SND1: variants seen among roughly 807,000 people sequenced by gnomAD.
SND1 encodes the protein staphylococcal nuclease domain-containing protein 1.
SND1 carries 38 observed loss-of-function variants against 121.7 expected under a neutral mutation model. The observed-to-expected ratio is 0.31, with a 90% confidence interval of 0.24 to 0.41. SND1 has a LOEUF of 0.41. SND1 is among the 10% of genes least tolerant of loss of function. The pLI, the probability that SND1 is intolerant of heterozygous loss-of-function variation, is 1.00. For synonymous variants in SND1, 401 were observed against 447.4 expected (o/e 0.90, Z 1.31); for missense variants, 868 against 1,184.6 (o/e 0.73, Z 3.92).
chr7:127,879,183 T>A (rs962412829), intron 12 of SND1, among the ~76,000 whole-genome samples: 1 of 152,178 alleles, frequency 6.6e-6, no homozygotes, highest in African/African-American at 2.4e-5. Context: ...TAGATCTCTC[T>A]CAACTATAAT....
intron 12 of SND1, among the ~76,000 whole-genome samples, chr7:127,883,645 G>A (rs1156728989): frequency 2.0e-5 from 3 of 152,132 alleles, no homozygotes; most frequent in South Asian, 2.1e-4. Context: ...TTAACACATT[G>A]CTATCATCTA....
intron 14 of SND1, among the ~76,000 whole-genome samples, chr7:127,926,362 G>T (rs993669106): frequency 6.6e-6 from 1 of 151,924 alleles, no homozygotes; most frequent in Admixed American, 6.6e-5. Context: ...TGTCAGCTTG[G>T]ATGAAATATC....
At chr7:127,819,745 C>G (rs974512278) in intron 11 of SND1, among the ~76,000 whole-genome samples, 9 of 152,094 alleles carry the variant, frequency 5.9e-5, no homozygotes, top group African/African-American at 2.2e-4. Context: ...GATTTGTTGC[C>G]CGGTTTTGCA....
At chr7:127,941,322 G>C (rs1274810145) in intron 15 of SND1, among the ~76,000 whole-genome samples, 1 of 152,084 alleles carries the variant, frequency 6.6e-6, no homozygotes, top group Non-Finnish European at 1.5e-5. Flanking sequence ...AGGCTTTGTA[G>C]AAAACTTTCT....
At chr7:127,715,478 C>A (rs757263365) in intron 9 of SND1, among the ~76,000 whole-genome samples, 1 of 152,112 alleles carries the variant, frequency 6.6e-6, no homozygotes, top group Non-Finnish European at 1.5e-5. Context: ...CCCTTACTCT[C>A]CCCCAGCTCT....
intron 12 of SND1, among the ~76,000 whole-genome samples, chr7:127,857,343 C>T (rs1466085215): frequency 2.1e-5 from 3 of 144,496 alleles, no homozygotes; most frequent in Non-Finnish European, 4.5e-5. Flanking sequence ...CAGGCGCCCG[C>T]CACCGCCCCC....
chr7:127,868,407 A>T (rs1799518210), intron 12 of SND1, among the ~76,000 whole-genome samples: 1 of 152,184 alleles, frequency 6.6e-6, no homozygotes. Context: ...GACTCATAGC[A>T]CACACAGCAC....
intron 16 of SND1, among the ~76,000 whole-genome samples, chr7:128,043,930 A>G (rs1446706648): frequency 6.6e-6 from 1 of 152,052 alleles, no homozygotes; most frequent in East Asian, 1.9e-4. Flanking sequence ...ATTAAATAAG[A>G]CAATGTAACC....
chr7:127,954,999 C>A (rs1801559752), intron 15 of SND1, among the ~76,000 whole-genome samples: 1 of 152,102 alleles, frequency 6.6e-6, no homozygotes, highest in South Asian at 2.1e-4. Context: ...GGGATCCTGC[C>A]AATAAAGAAT....
intron 16 of SND1, among the ~76,000 whole-genome samples, chr7:128,046,379 T>C (rs1360719437): frequency 6.8e-6 from 1 of 148,120 alleles, no homozygotes; most frequent in Non-Finnish European, 1.5e-5. Context: ...TTTTTTTTTT[T>C]TTTTGAGACA....
intron 17 of SND1, among the ~76,000 whole-genome samples, chr7:128,079,332 G>C (rs1024675615): frequency 1.3e-5 from 2 of 152,268 alleles, no homozygotes; most frequent in Non-Finnish European, 2.9e-5. Context: ...TAGGGCCTCT[G>C]TCCTGACTAG....
intron 14 of SND1, among the ~76,000 whole-genome samples, chr7:127,914,590 A>C (rs539138850): frequency 3.3e-5 from 5 of 152,316 alleles, no homozygotes; most frequent in Middle Eastern, 3.4e-3. Flanking sequence ...TATAGTGCCC[A>C]GTTTACATTC....
intron 15 of SND1, among the ~76,000 whole-genome samples, chr7:127,972,321 G>A (rs1802012342): frequency 6.6e-6 from 1 of 152,040 alleles, no homozygotes; most frequent in South Asian, 2.1e-4. Flanking sequence ...GAGTGCAGTG[G>A]CACAATCTTG....
rs2116980753 is a variant in SND1, at chr7:128,029,150, A to G, written c.1779+38094A>G. ...CTGCCACCTGCTTGGGCACACGGGT[A>G]GTCTGAATGAGCACCGTGGTAGAGG... On this transcript the variant is annotated intron_variant, in intron 16 of 23. Coordinates refer to ENST00000354725, the MANE Select transcript of SND1 (RefSeq NM_014390.4). This position sits in a 1 kb window ranked among gnomAD's most constrained non-coding sequence, Gnocchi z 4.2. 1 of 1,614,082 alleles carries G rather than the reference A, an allele frequency of 6.2e-7. No individual in the cohort carries two copies. Among genetic ancestry groups the G allele is most frequent in the Non-Finnish European group, 8.5e-7 (1 of 1,180,026 alleles).
intron 1 of SND1, among the ~76,000 whole-genome samples, chr7:127,682,178 TGTG>T (rs1282338196): frequency 1.3e-5 from 2 of 152,244 alleles, no homozygotes; most frequent in African/African-American, 4.8e-5. Context: ...GAAGATTTAA[TGTG>T]GTGTTCCTGT....
In SND1 at chr7:128,074,483, G is replaced by T. The variant is rs770894753; in HGVS notation, c.1780-19G>T. The T allele has an allele frequency of 1.2e-6, 2 of 1,601,586 alleles. No homozygotes were observed. The highest frequency in any genetic ancestry group is 1.7e-6 in the Non-Finnish European group (2 of 1,172,304). ...TCAGGCCTGGCCCCCACAGGCTTAC[G>T]CCTGTCTCTCTGTCCCAGGTGGAGG... On this transcript the variant is annotated intron_variant, in intron 16 of 23. Coordinates refer to ENST00000354725, the MANE Select transcript of SND1 (RefSeq NM_014390.4).
chr7:127,956,880 CT>C (rs1468106437), intron 15 of SND1, among the ~76,000 whole-genome samples: 1 of 152,186 alleles, frequency 6.6e-6, no homozygotes, highest in Non-Finnish European at 1.5e-5. Context: ...CTTTTACTAT[CT>C]TTTCCCCCTC....
At chr7:127,710,142 G>A (rs13236900) in intron 9 of SND1, among the ~76,000 whole-genome samples, 49,740 of 151,872 alleles carry the variant, frequency 0.33, 9,072 homozygotes, top group Admixed American at 0.42. Flanking sequence ...AAAATATATC[G>A]TGGCATGTGA....
chr7:127,667,852 T>G (rs1795447169), intron 1 of SND1, among the ~76,000 whole-genome samples: 1 of 137,336 alleles, frequency 7.3e-6, no homozygotes, highest in South Asian at 2.2e-4. Flanking sequence ...GAATAGGTCT[T>G]TATGTCAAAA....
Sources: allele counts gnomAD v4.1 joint callset (sites outside exome capture counted in the v4.1 genomes callset), GRCh38; gene constraint gnomAD v4.1.1; non-coding constraint Gnocchi (gnomAD v3.1); transcripts MANE v1.5; gene names NCBI Gene and HGNC (gene_info 2026-07-23, HGNC 2026-07-21).